Variants in LNX1 observed in about 807,000 individuals in gnomAD.
LNX1 encodes the protein ligand of numb-protein X 1.
Under a neutral mutation model 68.4 loss-of-function variants are expected in LNX1, and 54 were observed. The observed-to-expected ratio is 0.79, with a 90% CI of 0.63 to 0.99. The LOEUF (loss-of-function observed/expected upper bound fraction) is 0.99, where lower values mean the gene tolerates loss of function less well. LNX1 is among the 50% of genes least tolerant of loss of function. LNX1 has a pLI of 0.00. For missense variants in LNX1, 906 were observed against 926.4 expected (o/e 0.98, Z 0.29); for synonymous variants, 336 against 350.0 (o/e 0.96, Z 0.45).
chr4:53,549,211 CA>C (rs1385970981), intron 2 of LNX1: 1 of 152,130 alleles, frequency 6.6e-6, no homozygotes, highest in Non-Finnish European at 1.5e-5. Flanking sequence ...TTCTGGGCAA[CA>C]AGGTCATAAA....
chr4:53,503,180 T>A (rs1011973839), intron 4 of LNX1, among the ~76,000 whole-genome samples: 1 of 152,164 alleles, frequency 6.6e-6, no homozygotes, highest in African/African-American at 2.4e-5. Context: ...AGAATTAAAA[T>A]CAACTTCCTC....
rs116520390 is a variant in LNX1 at position 53,478,533 on chromosome 4, C to A, written c.1663+32G>T. ...CTAATTTCTCTTGATTCTCTGCCACCCCAGTGCCTTTAAAATCCCTTTACT... is the reference window on the plus strand; with the variant it reads ...CTAATTTCTCTTGATTCTCTGCCACACCAGTGCCTTTAAAATCCCTTTACT... On this transcript the variant is annotated intron_variant, in intron 8 of 10. Transcript: ENST00000263925. The A allele has an allele frequency of 1.8e-3, 2,828 of 1,578,038 alleles. 42 individuals are homozygous for A. In the African/African-American group the frequency reaches 0.035, roughly 19 times the overall value.
chr4:53,601,175 A>G (rs1030101481), intron 2 of LNX1, among the ~76,000 whole-genome samples: 1 of 152,082 alleles, frequency 6.6e-6, no homozygotes, highest in Non-Finnish European at 1.5e-5. Flanking sequence ...ACTCAGTTTT[A>G]TGAATATGGA....
intron 9 of LNX1, among the ~76,000 whole-genome samples, chr4:53,471,472 A>G (rs1455460939): frequency 1.3e-5 from 2 of 152,206 alleles, no homozygotes; most frequent in African/African-American, 4.8e-5. Flanking sequence ...AATGGCAACA[A>G]AAGCCAAAAT....
chr4:53,496,232 G>A lies in LNX1; in HGVS notation c.1141C>T (p.His381Tyr), dbSNP rs752807038. ...DAYRPRDDSF[H>Y]VILNKSSPEE... ...GGGCTACTTTTGTTGAGAATCACATGAAAGCTGTCATCTCGGGGTCTGTAG... is the reference window on the plus strand; with the variant it reads ...GGGCTACTTTTGTTGAGAATCACATAAAAGCTGTCATCTCGGGGTCTGTAG... Residue 381 changes from histidine to tyrosine, a missense_variant, in exon 6 of 11, where the codon CAT becomes TAT. Coordinates refer to ENST00000263925, the MANE Select transcript of LNX1 (RefSeq NM_001126328.3). 9.9e-6 allele frequency: 16 copies of A among 1,613,996 alleles called. No homozygotes were observed. The Admixed American group carries it at 2.7e-4, about 27-fold the overall frequency.
intron 4 of LNX1, among the ~76,000 whole-genome samples, chr4:53,500,908 C>A (rs1179451859): frequency 6.6e-6 from 1 of 152,110 alleles, no homozygotes; most frequent in African/African-American, 2.4e-5. Context: ...AGCCAATTTT[C>A]CCTCCCTCAT....
At chr4:53,581,839 T>C (rs1422967291) in intron 1 of LNX1, among the ~76,000 whole-genome samples, 1 of 152,202 alleles carries the variant, frequency 6.6e-6, no homozygotes, top group African/African-American at 2.4e-5. Flanking sequence ...AATTGCCATG[T>C]TTGATCATTT....
At chr4:53,503,514 G>T in intron 4 of LNX1, among the ~76,000 whole-genome samples, 1 of 152,190 alleles carries the variant, frequency 6.6e-6, no homozygotes, top group East Asian at 1.9e-4. Context: ...TATTTTGAAA[G>T]GAACTTTTCT....
upstream of LNX1, chr4:53,591,670 G>T: frequency 1.4e-6 from 1 of 705,722 alleles, no homozygotes; most frequent in Non-Finnish European, 1.7e-6. Flanking sequence ...CAAGCAGGTA[G>T]GTGGCGTCTC....
At chr4:53,643,276 G>A (rs1734757961) in intron 1 of LNX1, among the ~76,000 whole-genome samples, 1 of 151,862 alleles carries the variant, frequency 6.6e-6, no homozygotes, top group South Asian at 2.1e-4. Context: ...TCAGTCTCCT[G>A]GGCAGCTGGG....
intron 2 of LNX1, among the ~76,000 whole-genome samples, chr4:53,597,454 A>T (rs1190666293): frequency 1.3e-5 from 2 of 152,222 alleles, no homozygotes; most frequent in African/African-American, 4.8e-5. Context: ...CACTCCCCTC[A>T]CCCCCATTTC....
At chr4:53,605,953 G>T (rs1733214700) in intron 2 of LNX1, among the ~76,000 whole-genome samples, 1 of 152,156 alleles carries the variant, frequency 6.6e-6, no homozygotes, top group Non-Finnish European at 1.5e-5. Context: ...GCTGGGTCAT[G>T]TGGTAGTTCT....
At chr4:53,461,653 T>TA in intron 9 of LNX1, 60 bp from the exon 10 acceptor site, 2 of 1,277,446 alleles carry the variant, frequency 1.6e-6, no homozygotes, top group Non-Finnish European at 1.1e-6. Flanking sequence ...AGGGAATACT[T>TA]ACTGTGACTC....
At position 53,564,957 on chromosome 4, in the gene LNX1, G is replaced by A. The variant is rs368974607; in HGVS notation, c.380+8666C>T. Among the ~76,000 whole-genome samples the A allele has an allele frequency of 6.1e-3, 936 of 152,288 alleles. 6 individuals carry two copies. Among genetic ancestry groups the A allele is most frequent in the African/African-American group, 0.021 (882 of 41,550 alleles). ...TTTTCCGACGGGCTTAAAAAATGGC[G>A]CACCACGAGATTATATCCCCCACCT... On this transcript the variant is annotated intron_variant, in intron 2 of 10. Transcript: ENST00000263925.
At chr4:53,625,737 G>T (rs553961717) in intron 1 of LNX1, among the ~76,000 whole-genome samples, 1 of 152,236 alleles carries the variant, frequency 6.6e-6, no homozygotes, top group African/African-American at 2.4e-5. Flanking sequence ...AGCATGAGAG[G>T]TTGAGGCTGT....
At position 53,476,892 on chromosome 4, in the gene LNX1, T is replaced by C; in HGVS notation, c.1753A>G (p.Ile585Val). The C allele has an allele frequency of 6.2e-7, 1 of 1,614,186 alleles. No individual in the cohort carries two copies. Among genetic ancestry groups the C allele is most frequent in the Non-Finnish European group, 8.5e-7 (1 of 1,180,020 alleles). ...VALLKRTSSS[I>V]VLKALEVKEY... Reference sequence around the variant, plus strand: ...TTGACTTCCAAAGCTTTGAGTACTATCGAGGATGATGTTCTTTTCAATAAT... The same window carrying C: ...TTGACTTCCAAAGCTTTGAGTACTACCGAGGATGATGTTCTTTTCAATAAT... Residue 585 changes from isoleucine to valine, a missense_variant, in exon 9 of 11, where the codon ATA becomes GTA. Transcript: ENST00000263925.
intron 1 of LNX1, among the ~76,000 whole-genome samples, chr4:53,631,902 A>G (rs1395462785): frequency 6.6e-6 from 1 of 151,878 alleles, no homozygotes; most frequent in Non-Finnish European, 1.5e-5. Flanking sequence ...ACTCGGTGTA[A>G]TTCTATAGTT....
chr4:53,626,675 T>C (rs1279995516), intron 1 of LNX1, among the ~76,000 whole-genome samples: 1 of 152,150 alleles, frequency 6.6e-6, no homozygotes, highest in Non-Finnish European at 1.5e-5. Context: ...AGTTATTTCT[T>C]TACGTTGCTC....
In LNX1 at chr4:53,589,966, G is replaced by A. The variant is rs139141754; in HGVS notation, c.-87+1422C>T. Reference sequence around the variant, plus strand: ...ACTGTGAAAAGCACTAATCAACCATGGTAAACCAGAGGCAATGTAATCTTG... The same window carrying A: ...ACTGTGAAAAGCACTAATCAACCATAGTAAACCAGAGGCAATGTAATCTTG... On this transcript the variant is annotated intron_variant, in intron 1 of 10. Coordinates refer to ENST00000263925, the MANE Select transcript of LNX1 (RefSeq NM_001126328.3). 4.0e-3 allele frequency among the ~76,000 whole-genome samples: 612 copies of A among 152,240 alleles called. 3 individuals are homozygous for A. Among genetic ancestry groups the A allele is most frequent in the African/African-American group, 0.012 (482 of 41,532 alleles).
Sources: allele counts gnomAD v4.1 joint callset (sites outside exome capture counted in the v4.1 genomes callset), GRCh38; gene constraint gnomAD v4.1.1; transcripts MANE v1.5; gene names NCBI Gene and HGNC (gene_info 2026-07-23, HGNC 2026-07-21).